SPATA13: variants seen among roughly 807,000 people sequenced by gnomAD.
SPATA13 encodes spermatogenesis associated 13.
A neutral mutation model predicts 104.0 loss-of-function variants in SPATA13; 50 were observed. The ratio of observed to expected loss-of-function variants is 0.48; its 90% CI spans 0.38 to 0.61. The LOEUF (loss-of-function observed/expected upper bound fraction) is 0.61. SPATA13 is among the 20% of genes least tolerant of loss of function. The pLI is 0.00. For missense variants in SPATA13, 1,524 were observed against 1,690.6 expected (o/e 0.90, Z 1.73); for synonymous variants, 606 against 667.5 (o/e 0.91, Z 1.42).
intron 4 of SPATA13, chr13:24,278,576 C>T (rs1875190873): frequency 4.4e-6 from 6 of 1,353,946 alleles, no homozygotes; most frequent in Non-Finnish European, 3.8e-6. Flanking sequence ...CCACGCCCAG[C>T]CACATCTTGC....
chr13:24,297,372 A>G lies in SPATA13; in HGVS notation c.3220A>G (p.Ile1074Val). 1.9e-6 allele frequency: 3 copies of G among 1,608,986 alleles called. No homozygotes were observed. Among genetic ancestry groups the G allele is most frequent in the Non-Finnish European group, 2.5e-6 (3 of 1,177,082 alleles). The change falls in exon 11 of 13, where the codon ATC becomes GTC. Residue 1074 changes from isoleucine (I) to valine (V), a missense_variant. By Grantham distance (29) the Ile-to-Val change is conservative. Transcript: ENST00000382108. Reference sequence around the variant, plus strand: ...GTTTTCATCCTTCCAGGGACTGGATATCTTAGACCGAAGCTCAGAATTGAT... The same window carrying G: ...GTTTTCATCCTTCCAGGGACTGGATGTCTTAGACCGAAGCTCAGAATTGAT... ...VSIVGWEGLD[I>V]LDRSSELIHS...
At chr13:24,267,962 C>T (rs1232464228) in intron 4 of SPATA13, among the ~76,000 whole-genome samples, 3 of 152,246 alleles carry the variant, frequency 2.0e-5, no homozygotes, top group African/African-American at 7.2e-5. Context: ...TCTGATTCTG[C>T]AGACCTGGGG....
chr13:24,048,871 T>C (rs1476732709), intron 3 of SPATA13, among the ~76,000 whole-genome samples: 2 of 152,114 alleles, frequency 1.3e-5, no homozygotes, highest in African/African-American at 4.8e-5. Flanking sequence ...TTAGAGGAAA[T>C]AGCTTCAGAT....
intron 3 of SPATA13, among the ~76,000 whole-genome samples, chr13:24,146,917 T>A (rs1299669666): frequency 1.0e-5 from 1 of 100,310 alleles, no homozygotes; most frequent in East Asian, 3.2e-4. Context: ...TTTTAAAAAA[T>A]CTCATTCAGG....
chr13:24,012,942 A>G (rs1876542412), intron 2 of SPATA13, among the ~76,000 whole-genome samples: 1 of 151,558 alleles, frequency 6.6e-6, no homozygotes, highest in African/African-American at 2.4e-5. Flanking sequence ...CTAGGCCACA[A>G]CTCTCCCTCA....
intron 3 of SPATA13, among the ~76,000 whole-genome samples, chr13:24,116,310 C>T (rs1880835710): frequency 6.6e-6 from 1 of 152,228 alleles, no homozygotes; most frequent in Non-Finnish European, 1.5e-5. Context: ...GAGGACTCTG[C>T]TTTCATGACT....
At chr13:23,992,029 A>AT (rs1343237023) in intron 2 of SPATA13, among the ~76,000 whole-genome samples, 22 of 152,312 alleles carry the variant, frequency 1.4e-4, no homozygotes, top group African/African-American at 4.8e-4. Flanking sequence ...TCTGCTAAAT[A>AT]TTTCACATGG....
At chr13:24,067,900 C>T (rs1425921578) in intron 3 of SPATA13, among the ~76,000 whole-genome samples, 2 of 152,160 alleles carry the variant, frequency 1.3e-5, no homozygotes, top group African/African-American at 4.8e-5. Context: ...CATGGGGTTT[C>T]ACCATGTTGG....
intron 2 of SPATA13, among the ~76,000 whole-genome samples, chr13:24,249,159 C>T (rs1325167837): frequency 1.3e-5 from 2 of 152,202 alleles, no homozygotes; most frequent in Non-Finnish European, 2.9e-5. Context: ...CATGAGCCAC[C>T]GCATCCGGCC....
intron 3 of SPATA13, among the ~76,000 whole-genome samples, chr13:24,058,705 T>A (rs1023392703): frequency 5.3e-5 from 8 of 151,928 alleles, no homozygotes; most frequent in Non-Finnish European, 1.2e-4. Context: ...GATCAGTGAA[T>A]AATCGCTAAC....
chr13:24,292,398 T>C (rs1420857638), intron 9 of SPATA13, among the ~76,000 whole-genome samples: 1 of 152,154 alleles, frequency 6.6e-6, no homozygotes, highest in African/African-American at 2.4e-5. Flanking sequence ...TGTGCCAGGC[T>C]CCAAGCCAGG....
chr13:24,077,895 C>G (rs1007129778), intron 3 of SPATA13, among the ~76,000 whole-genome samples: 1 of 152,130 alleles, frequency 6.6e-6, no homozygotes, highest in African/African-American at 2.4e-5. Flanking sequence ...CTCTTTGTTC[C>G]CTTGGTTGGT....
At chr13:24,007,937 T>C (rs1876304933) in intron 2 of SPATA13, among the ~76,000 whole-genome samples, 1 of 152,220 alleles carries the variant, frequency 6.6e-6, no homozygotes, top group Non-Finnish European at 1.5e-5. Context: ...GGACAGAAAT[T>C]AGCTCTACCT....
chr13:24,125,487 C>A (rs946210568), intron 3 of SPATA13, among the ~76,000 whole-genome samples: 2 of 152,170 alleles, frequency 1.3e-5, no homozygotes, highest in Non-Finnish European at 2.9e-5. Flanking sequence ...ACAGAATACA[C>A]ATGATCCCTT....
At position 24,235,651 on chromosome 13, in the gene SPATA13, G is replaced by T. The variant is rs1322775636; in HGVS notation, c.1653+11069G>T. On this transcript the variant is annotated intron_variant, in intron 2 of 12. Coordinates refer to ENST00000382108, the MANE Select transcript of SPATA13 (RefSeq NM_001166271.3). ...GCAAGCCTGTGGCCCCAGCTACTTAGGAAGCCAAGGTGGGAGGATTGCTGG... is the reference window on the plus strand; with the variant it reads ...GCAAGCCTGTGGCCCCAGCTACTTATGAAGCCAAGGTGGGAGGATTGCTGG... Among the ~76,000 whole-genome samples the T allele has an allele frequency of 2.0e-5, 3 of 152,276 alleles. No individual in the cohort carries two copies. The East Asian group carries it at 5.8e-4, about 29-fold the overall frequency.
At chr13:24,082,560 C>G (rs1879559948) in intron 3 of SPATA13, among the ~76,000 whole-genome samples, 1 of 152,022 alleles carries the variant, frequency 6.6e-6, no homozygotes, top group African/African-American at 2.4e-5. Flanking sequence ...GTGGCTCACG[C>G]CTGTAATCCC....
At chr13:24,149,296 G>A (rs1354438545) in intron 3 of SPATA13, among the ~76,000 whole-genome samples, 2 of 152,118 alleles carry the variant, frequency 1.3e-5, no homozygotes, top group Admixed American at 6.5e-5. Context: ...AGAGAACACC[G>A]AACACACCCC....
At chr13:24,218,016 G>A (rs568239591) in intron 1 of SPATA13, among the ~76,000 whole-genome samples, 3 of 152,228 alleles carry the variant, frequency 2.0e-5, no homozygotes. Flanking sequence ...GACAAAACTC[G>A]CAAAGGCATG....
At chr13:24,030,427 T>G (rs941266235) in intron 3 of SPATA13, among the ~76,000 whole-genome samples, 1 of 152,192 alleles carries the variant, frequency 6.6e-6, no homozygotes, top group Non-Finnish European at 1.5e-5. Flanking sequence ...TTCAGTAGGG[T>G]GCTTATGCTC....
Sources: gnomAD v4.1 joint callset for allele counts (sites outside exome capture counted in the v4.1 genomes callset) on GRCh38, gnomAD v4.1.1 for gene constraint, MANE v1.5 for transcripts, NCBI Gene and HGNC (gene_info 2026-07-23, HGNC 2026-07-21) for gene names.